FMN1: variants seen among roughly 807,000 people sequenced by gnomAD.
FMN1 encodes formin-1.
Under a neutral mutation model 132.4 loss-of-function variants are expected in FMN1, and 110 were observed. That is an observed-to-expected ratio of 0.83 (90% CI 0.71 to 0.97). FMN1 has a LOEUF of 0.97. Among genes scored for constraint, FMN1 ranks in the 50% least tolerant of loss-of-function variants. The pLI, the probability that FMN1 is intolerant of heterozygous loss-of-function variation, is 0.00. For synonymous variants in FMN1, 722 were observed against 651.7 expected (o/e 1.11, Z -1.64); for missense variants, 1,792 against 1,705.3 (o/e 1.05, Z -0.90).
chr15:33,124,726 G>A (rs1158169243), intron 4 of FMN1, among the ~76,000 whole-genome samples: 1 of 152,038 alleles, frequency 6.6e-6, no homozygotes, highest in Non-Finnish European at 1.5e-5. Flanking sequence ...GGAGAGGGAG[G>A]AAATCTCACA....
At chr15:32,809,547 A>C (rs1341370391) in intron 17 of FMN1, among the ~76,000 whole-genome samples, 1 of 152,066 alleles carries the variant, frequency 6.6e-6, no homozygotes, top group Non-Finnish European at 1.5e-5. Flanking sequence ...CTCTGGACTT[A>C]ACTTGCTGCA....
chr15:32,915,466 T>C (rs2060662284), intron 10 of FMN1, among the ~76,000 whole-genome samples: 1 of 152,258 alleles, frequency 6.6e-6, no homozygotes, highest in Non-Finnish European at 1.5e-5. Flanking sequence ...CTAAACTATT[T>C]TCGGCGTCAC....
At chr15:32,824,979 A>G (rs1442180481) in intron 17 of FMN1, among the ~76,000 whole-genome samples, 1 of 152,242 alleles carries the variant, frequency 6.6e-6, no homozygotes, top group Non-Finnish European at 1.5e-5. Flanking sequence ...TCACCTCAGT[A>G]AATAGCATCG....
At chr15:32,812,993 G>GA (rs11290245) in intron 17 of FMN1, among the ~76,000 whole-genome samples, 1 of 151,854 alleles carries the variant, frequency 6.6e-6, no homozygotes, top group Non-Finnish European at 1.5e-5. Flanking sequence ...AACATTTGGG[G>GA]AAAAAATGGA....
chr15:33,018,732 T>C (rs1194098488), intron 6 of FMN1, among the ~76,000 whole-genome samples: 1 of 152,204 alleles, frequency 6.6e-6, no homozygotes, highest in Non-Finnish European at 1.5e-5. Flanking sequence ...AAAGGTGGCG[T>C]GTCCGGAGTT....
chr15:33,111,505 T>C (rs1202553281), intron 4 of FMN1, among the ~76,000 whole-genome samples: 3 of 152,142 alleles, frequency 2.0e-5, no homozygotes, highest in Non-Finnish European at 4.4e-5. Flanking sequence ...TAAAAGCACA[T>C]GTCCACACAA....
chr15:33,012,414 C>T (rs1434639895), intron 6 of FMN1: 2 of 914,810 alleles, frequency 2.2e-6, no homozygotes, highest in South Asian at 1.3e-5. Flanking sequence ...GACCAGGTGC[C>T]CACTCAACTG....
chr15:33,120,291 A>G (rs898085065), intron 4 of FMN1, among the ~76,000 whole-genome samples: 2 of 152,222 alleles, frequency 1.3e-5, no homozygotes, highest in African/African-American at 4.8e-5. Flanking sequence ...CCTGCTAAAG[A>G]TAGCAGATGT....
intron 12 of FMN1, among the ~76,000 whole-genome samples, chr15:32,907,461 T>C (rs1160779789): frequency 6.6e-6 from 1 of 152,106 alleles, no homozygotes; most frequent in Non-Finnish European, 1.5e-5. Flanking sequence ...CAGGTGGTAA[T>C]GCCGGCTTGT....
In FMN1 at chr15:32,987,214, G is replaced by A. The variant is rs190649187; in HGVS notation, c.2224-17737C>T. On this transcript the variant is annotated intron_variant, in intron 7 of 20. Coordinates refer to ENST00000616417, the MANE Select transcript of FMN1 (RefSeq NM_001277313.2). Reference sequence around the variant, plus strand: ...CTAACCATAAAGGTTAATGATACAAGGTCAGCTGTATAACATCCACATGAA... The same window carrying A: ...CTAACCATAAAGGTTAATGATACAAAGTCAGCTGTATAACATCCACATGAA... Among the ~76,000 whole-genome samples, 435 of 152,216 alleles carry A rather than the reference G, an allele frequency of 2.9e-3. 2 individuals are homozygous for A. Among genetic ancestry groups the A allele is most frequent in the Middle Eastern group, 0.01 (3 of 294 alleles).
intron 17 of FMN1, among the ~76,000 whole-genome samples, chr15:32,823,152 GTTTTTTTTTTTTT>G (rs373185751): frequency 5.3e-4 from 46 of 86,214 alleles, no homozygotes; most frequent in Non-Finnish European, 9.0e-4. Flanking sequence ...AGTTTCTACT[GTTTTTTTTTTTTT>G]TTTTTTTTTT....
At chr15:32,917,298 C>A (rs1409954398) in intron 10 of FMN1, among the ~76,000 whole-genome samples, 2 of 152,200 alleles carry the variant, frequency 1.3e-5, no homozygotes, top group East Asian at 3.9e-4. Flanking sequence ...CCTTGTGTTT[C>A]TCCTACTGGA....
At chr15:32,987,309 C>T (rs140822607) in intron 7 of FMN1, among the ~76,000 whole-genome samples, 78 of 152,256 alleles carry the variant, frequency 5.1e-4, no homozygotes, top group African/African-American at 1.8e-3. Context: ...TTGTCAGTTA[C>T]AAGAGATGAC....
chr15:32,878,539 G>A (rs1259236713), intron 16 of FMN1, among the ~76,000 whole-genome samples: 1 of 152,176 alleles, frequency 6.6e-6, no homozygotes, highest in African/African-American at 2.4e-5. Context: ...AGAGTCAACA[G>A]GACTAGCTGT....
chr15:33,171,274 G>A (rs1400317230), intron 3 of FMN1, among the ~76,000 whole-genome samples: 1 of 152,172 alleles, frequency 6.6e-6, no homozygotes, highest in Non-Finnish European at 1.5e-5. Flanking sequence ...CATACAAATA[G>A]AAGAAACAAG....
chr15:32,976,139 T>C (rs1265819923), intron 7 of FMN1, among the ~76,000 whole-genome samples: 2 of 152,174 alleles, frequency 1.3e-5, no homozygotes, highest in Non-Finnish European at 2.9e-5. Flanking sequence ...AATCAGGTTA[T>C]CTGCTGTACA....
Position 32,969,109 on chromosome 15 carries a change from CTGAT to C in FMN1, c.2588_2591del (p.Asn863SerfsTer34). The C allele has an allele frequency of 6.2e-7, 1 of 1,612,692 alleles. No individual in the cohort carries two copies. Among genetic ancestry groups the C allele is most frequent in the Non-Finnish European group, 8.5e-7 (1 of 1,179,036 alleles). On this transcript the variant is annotated frameshift_variant, in exon 8 of 21. Transcript: ENST00000616417. LOFTEE classifies it high-confidence loss of function. ...CGGGAGGCGGAGGCAATGCCTTCTG[CTGAT>C]TTGATGCCATGCCCTCCATTGGCTG...
At chr15:33,097,508 G>A (rs1033339298) in intron 4 of FMN1, among the ~76,000 whole-genome samples, 2 of 152,078 alleles carry the variant, frequency 1.3e-5, no homozygotes, top group South Asian at 2.1e-4. Context: ...AATTATAAAA[G>A]TGGACAAGGA....
chr15:33,111,371 G>A (rs1479993179), intron 4 of FMN1, among the ~76,000 whole-genome samples: 1 of 152,140 alleles, frequency 6.6e-6, no homozygotes, highest in African/African-American at 2.4e-5. Context: ...TCACAAGATT[G>A]CTGGTGGGAG....
Sources: allele counts gnomAD v4.1 joint callset (sites outside exome capture counted in the v4.1 genomes callset), GRCh38; gene constraint gnomAD v4.1.1; transcripts MANE v1.5; gene names NCBI Gene and HGNC (gene_info 2026-07-23, HGNC 2026-07-21).